GNB1L: variants seen among roughly 807,000 people sequenced by gnomAD.
The protein encoded by GNB1L is G protein subunit beta 1 like.
In GNB1L, 20 loss-of-function variants were observed where a neutral mutation model predicts 29.1. That is an observed-to-expected ratio of 0.69 (90% CI 0.48 to 1.00). GNB1L has a LOEUF of 1.00. Among genes scored for constraint, GNB1L ranks in the 50% least tolerant of loss-of-function variants. The pLI is 0.00. For synonymous variants in GNB1L, 193 were observed against 206.5 expected (o/e 0.93, Z 0.56); for missense variants, 421 against 464.9 (o/e 0.91, Z 0.87).
chr22:19,847,189 T>G, intron 2 of GNB1L: 1 of 985,456 alleles, frequency 1.0e-6, no homozygotes, highest in Non-Finnish European at 1.2e-6. Flanking sequence ...CCAGGTAGGC[T>G]GTCGTCAGCA....
At chr22:19,842,057 G>A (rs1480368594) in intron 2 of GNB1L, among the ~76,000 whole-genome samples, 1 of 152,162 alleles carries the variant, frequency 6.6e-6, no homozygotes, top group Non-Finnish European at 1.5e-5. Context: ...CACCTCCCAG[G>A]CTACACCTGG....
At chr22:19,792,128 A>G (rs1937258798) in intron 7 of GNB1L, among the ~76,000 whole-genome samples, 1 of 152,262 alleles carries the variant, frequency 6.6e-6, no homozygotes, top group African/African-American at 2.4e-5. Flanking sequence ...GCAAATTAGT[A>G]GACATGCTAA....
chr22:19,835,148 T>A (rs1601345575), intron 2 of GNB1L, among the ~76,000 whole-genome samples: 1 of 152,048 alleles, frequency 6.6e-6, no homozygotes, highest in Non-Finnish European at 1.5e-5. Context: ...TAGAAATAGA[T>A]AACTACATAA....
intron 2 of GNB1L, among the ~76,000 whole-genome samples, chr22:19,853,524 C>A (rs758744965): frequency 6.6e-6 from 1 of 152,192 alleles, no homozygotes; most frequent in Non-Finnish European, 1.5e-5. Flanking sequence ...CACACACAAA[C>A]GCCACCGGCT....
chr22:19,847,462 G>A (rs1418515652), intron 2 of GNB1L: 3 of 985,288 alleles, frequency 3.0e-6, no homozygotes, highest in Non-Finnish European at 3.6e-6. Context: ...GGCACTGCAT[G>A]GGCATCATTC....
intron 2 of GNB1L, among the ~76,000 whole-genome samples, chr22:19,844,429 G>A (rs1313708321): frequency 6.6e-6 from 1 of 152,214 alleles, no homozygotes; most frequent in African/African-American, 2.4e-5. Context: ...TTCTTCCTTG[G>A]GGATGCCTGG....
rs367582856 is a variant in GNB1L at position 19,835,653 on chromosome 22, G to A, written c.-20-14278C>T. ...CGCGCCACTGCACTCCAGCCTGGGCGACAGAGCGAGACTCTGTCTCGATAA... is the reference window on the plus strand; with the variant it reads ...CGCGCCACTGCACTCCAGCCTGGGCAACAGAGCGAGACTCTGTCTCGATAA... On this transcript the variant is annotated intron_variant, in intron 2 of 7. Coordinates refer to ENST00000329517, the MANE Select transcript of GNB1L (RefSeq NM_053004.3). Among the ~76,000 whole-genome samples, 331 of 151,682 alleles carry A rather than the reference G, an allele frequency of 2.2e-3. 5 individuals carry two copies. The South Asian group carries it at 0.057, about 26-fold the overall frequency.
intron 2 of GNB1L, chr22:19,850,845 T>C (rs1451942177): frequency 2.3e-6 from 3 of 1,305,834 alleles, no homozygotes; most frequent in African/African-American, 3.0e-5. Flanking sequence ...ACAAAGATGA[T>C]GCAACTATCT....
At chr22:19,804,975 G>A (rs1227914877) in intron 6 of GNB1L, among the ~76,000 whole-genome samples, 1 of 152,232 alleles carries the variant, frequency 6.6e-6, no homozygotes, top group Non-Finnish European at 1.5e-5. Flanking sequence ...CAGCCTTGGG[G>A]GGCGTTTTTC....
At chr22:19,826,532 A>C (rs1370402521) in intron 2 of GNB1L, among the ~76,000 whole-genome samples, 1 of 152,200 alleles carries the variant, frequency 6.6e-6, no homozygotes, top group Non-Finnish European at 1.5e-5. Flanking sequence ...TCTTAAAGAA[A>C]CAGAGAGGGA....
In GNB1L at chr22:19,807,017, C is replaced by T. The variant is rs551235766; in HGVS notation, c.418-260G>A. 2.3e-3 allele frequency among the ~76,000 whole-genome samples: 355 copies of T among 152,378 alleles called. 1 individual carries two copies. The highest frequency in any genetic ancestry group is 7.9e-3 in the African/African-American group (328 of 41,594). ...GCAGGCTGAGCAGGAGGCTGGTTCA[C>T]TGGCCCCTGACAGAGCCCACCGATT... On this transcript the variant is annotated intron_variant, in intron 5 of 7. Coordinates refer to ENST00000329517, the MANE Select transcript of GNB1L (RefSeq NM_053004.3).
intron 2 of GNB1L, among the ~76,000 whole-genome samples, chr22:19,831,501 C>T (rs935722707): frequency 4.6e-5 from 7 of 151,580 alleles, no homozygotes; most frequent in Non-Finnish European, 8.8e-5. Context: ...ATCACCCTGA[C>T]TAACACGGTG....
intron 2 of GNB1L, among the ~76,000 whole-genome samples, chr22:19,839,394 C>A (rs1016592281): frequency 5.9e-5 from 9 of 151,966 alleles, no homozygotes; most frequent in African/African-American, 1.9e-4. Context: ...GTTCTGAACC[C>A]TATATACACC....
At chr22:19,849,223 G>A (rs68172222) in intron 2 of GNB1L, 73 of 985,158 alleles carry the variant, frequency 7.4e-5, no homozygotes, top group Non-Finnish European at 8.6e-5. Flanking sequence ...CTATTTCCAA[G>A]GTTTCCAGTT....
chr22:19,799,507 A>G (rs1054729428), intron 7 of GNB1L, among the ~76,000 whole-genome samples: 1 of 152,158 alleles, frequency 6.6e-6, no homozygotes, highest in Non-Finnish European at 1.5e-5. Flanking sequence ...CTCGTAGCGC[A>G]TGACCTCAGG....
Position 19,788,797 on chromosome 22 carries a change from T to C in GNB1L, c.896A>G (p.Gln299Arg). The C allele has an allele frequency of 6.2e-7, 1 of 1,612,610 alleles. No individual in the cohort carries two copies. The highest frequency in any genetic ancestry group is 8.5e-7 in the Non-Finnish European group (1 of 1,179,840). ...GCCATCGGCGGTGAAGGCCACGCAC[T>C]GGACAGCGGCGCTGTGGAAGGCCAG... ...AVLAFHSAAVQCVAFTADGLL... is the reference protein window; with the variant it reads ...AVLAFHSAAVRCVAFTADGLL... Residue 299 changes from glutamine (Q) to arginine (R), a missense_variant, in exon 8 of 8, where the codon CAG (glutamine) becomes CGG (arginine). Coordinates refer to ENST00000329517, the MANE Select transcript of GNB1L (RefSeq NM_053004.3).
intron 4 of GNB1L, among the ~76,000 whole-genome samples, chr22:19,820,178 C>A (rs1937566880): frequency 6.6e-6 from 1 of 152,176 alleles, no homozygotes; most frequent in Non-Finnish European, 1.5e-5. Flanking sequence ...GGACCACTGC[C>A]TGCATCCCTG....
chr22:19,814,821 C>T (rs1937518804), intron 4 of GNB1L, among the ~76,000 whole-genome samples: 1 of 152,056 alleles, frequency 6.6e-6, no homozygotes, highest in African/African-American at 2.4e-5. Flanking sequence ...CTGCTCGAGC[C>T]CAGGAGTTCA....
rs929239723 is a variant in GNB1L, at chr22:19,816,653, T to C, written c.254+3945A>G. Among the ~76,000 whole-genome samples, 2 of 151,866 alleles carry C rather than the reference T, an allele frequency of 1.3e-5. No homozygotes were observed. Among genetic ancestry groups the C allele is most frequent in the African/African-American group, 4.8e-5 (2 of 41,332 alleles). ...ACACCTCATACACACCTCACATACA[T>C]ACACACCACACAGGCACCTCACACA... On this transcript the variant is annotated intron_variant, in intron 4 of 7. Transcript: ENST00000329517. The surrounding 1 kb of genome is among the most constrained non-coding windows in gnomAD (Gnocchi z 4.4).
Sources: allele counts gnomAD v4.1 joint callset (sites outside exome capture counted in the v4.1 genomes callset), GRCh38; gene constraint gnomAD v4.1.1; non-coding constraint Gnocchi (gnomAD v3.1); transcripts MANE v1.5; gene names NCBI Gene and HGNC (gene_info 2026-07-23, HGNC 2026-07-21).